HPSE2: variants seen among roughly 807,000 people sequenced by gnomAD.
HPSE2 encodes heparanase 2 (inactive), also known as inactive heparanase-2.
A neutral mutation model predicts 60.5 loss-of-function variants in HPSE2; 38 were observed. The observed-to-expected ratio is 0.63, with a 90% CI of 0.48 to 0.82. HPSE2 has a LOEUF of 0.82. Among genes scored for constraint, HPSE2 ranks in the 40% least tolerant of loss-of-function variants. The pLI is 0.00. For missense variants in HPSE2, 713 were observed against 740.4 expected (o/e 0.96, Z 0.43); for synonymous variants, 295 against 293.2 (o/e 1.01, Z -0.06).
At chr10:99,041,841 C>G (rs1957746647) in intron 3 of HPSE2, among the ~76,000 whole-genome samples, 1 of 152,114 alleles carries the variant, frequency 6.6e-6, no homozygotes, top group East Asian at 1.9e-4. Flanking sequence ...CCTCTATAGT[C>G]CCTGCTACCC....
chr10:99,236,665 T>C (rs1210106706), upstream of HPSE2, among the ~76,000 whole-genome samples: 1 of 152,122 alleles, frequency 6.6e-6, no homozygotes, highest in Non-Finnish European at 1.5e-5. Flanking sequence ...CATAGTGACC[T>C]GGTCAAGCAG....
chr10:98,645,606 C>T (rs1309347183), intron 6 of HPSE2, among the ~76,000 whole-genome samples: 1 of 152,174 alleles, frequency 6.6e-6, no homozygotes, highest in African/African-American at 2.4e-5. Context: ...AACTTAAACC[C>T]ACATTTATAT....
In HPSE2 at chr10:98,540,831, T is replaced by C. The variant is rs546910507; in HGVS notation, c.1321-50635A>G. Among the ~76,000 whole-genome samples, 16 of 152,272 alleles carry C rather than the reference T, an allele frequency of 1.1e-4. No individual in the cohort carries two copies. The South Asian group carries it at 3.3e-3, about 32-fold the overall frequency. On this transcript the variant is annotated intron_variant, in intron 9 of 11. Coordinates refer to ENST00000370552, the MANE Select transcript of HPSE2 (RefSeq NM_021828.5). The stretch of plus-strand genomic sequence containing the variant: ...AGTGCAGAGCCATTTCAAATGCATC[T>C]ACCATGATATAATTGGACTCTAGAT...
intron 1 of HPSE2, among the ~76,000 whole-genome samples, chr10:99,232,964 G>A (rs1478540070): frequency 6.6e-6 from 1 of 152,254 alleles, no homozygotes; most frequent in East Asian, 1.9e-4. Flanking sequence ...AGCCGGCATT[G>A]CCTCCGCAGC....
At chr10:99,095,150 C>T (rs1843675955) in intron 3 of HPSE2, among the ~76,000 whole-genome samples, 1 of 151,354 alleles carries the variant, frequency 6.6e-6, no homozygotes, top group African/African-American at 2.4e-5. Context: ...TACACCACTG[C>T]ACTTTAGGTG....
chr10:98,706,417 C>T (rs150205509), intron 5 of HPSE2, among the ~76,000 whole-genome samples: 10 of 152,218 alleles, frequency 6.6e-5, no homozygotes, highest in South Asian at 2.1e-4. Flanking sequence ...TATCAGAAGA[C>T]GACTGGCTCA....
chr10:98,652,943 C>A (rs1946957363), intron 6 of HPSE2, among the ~76,000 whole-genome samples: 4 of 152,118 alleles, frequency 2.6e-5, no homozygotes, highest in Admixed American at 2.6e-4. Flanking sequence ...CACTTAGCTT[C>A]TTTTGTCTTC....
intron 2 of HPSE2, among the ~76,000 whole-genome samples, chr10:99,156,736 G>T (rs1350831419): frequency 3.1e-5 from 4 of 130,784 alleles, no homozygotes; most frequent in African/African-American, 1.0e-4. Flanking sequence ...ACATAGTGTT[G>T]AAAGTTCTGG....
chr10:98,615,099 T>C, intron 8 of HPSE2, 81 bp from the exon 9 acceptor site: 1 of 934,882 alleles, frequency 1.1e-6, no homozygotes, highest in Non-Finnish European at 1.8e-6. Flanking sequence ...GGCTACTATA[T>C]ACACATATAC....
At chr10:98,883,684 G>A (rs1488770282) in intron 3 of HPSE2, among the ~76,000 whole-genome samples, 1 of 151,930 alleles carries the variant, frequency 6.6e-6, no homozygotes, top group Non-Finnish European at 1.5e-5. Flanking sequence ...TGTGCTTGTA[G>A]TGCCAGCTAG....
intron 3 of HPSE2, among the ~76,000 whole-genome samples, chr10:98,909,639 AAAAAAAAAAATG>A: frequency 6.6e-6 from 1 of 151,982 alleles, no homozygotes; most frequent in South Asian, 2.1e-4. Flanking sequence ...AAAATTTAAA[AAAAAAAAAAATG>A]AAAAAAAAAG....
chr10:99,256,248 T>C, the HPSE2 span, among the ~76,000 whole-genome samples: 3 of 148,834 alleles, frequency 2.0e-5, no homozygotes, highest in South Asian at 6.6e-4. Flanking sequence ...TAATGGGAGG[T>C]ATTTAGGTCA....
intron 2 of HPSE2, among the ~76,000 whole-genome samples, chr10:99,227,995 A>G (rs1277776650): frequency 1.3e-5 from 2 of 151,822 alleles, no homozygotes; most frequent in Non-Finnish European, 2.9e-5. Context: ...GTCTAAAGAA[A>G]GAAGAGATCA....
At chr10:98,901,285 A>T (rs950634624) in intron 3 of HPSE2, among the ~76,000 whole-genome samples, 2 of 152,162 alleles carry the variant, frequency 1.3e-5, no homozygotes, top group African/African-American at 4.8e-5. Flanking sequence ...TTTTGATGGC[A>T]GTTACATGGT....
At chr10:99,200,170 A>C (rs950136496) in intron 2 of HPSE2, among the ~76,000 whole-genome samples, 1 of 151,678 alleles carries the variant, frequency 6.6e-6, no homozygotes, top group Non-Finnish European at 1.5e-5. Context: ...AAAATGGTAA[A>C]TTTTATATTA....
intron 3 of HPSE2, among the ~76,000 whole-genome samples, chr10:98,893,574 A>G (rs1464122626): frequency 6.6e-6 from 1 of 152,194 alleles, no homozygotes; most frequent in Non-Finnish European, 1.5e-5. Flanking sequence ...CTAGATAGAT[A>G]GCAAATTAGA....
intron 3 of HPSE2, among the ~76,000 whole-genome samples, chr10:99,091,798 T>A (rs1380967241): frequency 6.6e-6 from 1 of 152,200 alleles, no homozygotes; most frequent in Non-Finnish European, 1.5e-5. Context: ...CGTATCATTT[T>A]TTCTCATCCT....
chr10:99,039,706 A>G lies in HPSE2; in HGVS notation c.610+104532T>C, dbSNP rs370899496. ...AGAAAGTCTTCAATAAGATCATCAT[A>G]TTGCAATGGATTATAGGTCCAAGCT... On this transcript the variant is annotated intron_variant, in intron 3 of 11. Transcript: ENST00000370552. 1.4e-4 allele frequency among the ~76,000 whole-genome samples: 21 copies of G among 152,188 alleles called. No individual in the cohort carries two copies. The East Asian group carries it at 4.1e-3, about 29-fold the overall frequency.
chr10:98,650,046 T>C (rs1946876141), intron 6 of HPSE2, among the ~76,000 whole-genome samples: 1 of 152,240 alleles, frequency 6.6e-6, no homozygotes. Flanking sequence ...CCTACATTTC[T>C]TTGCCCCTCT....
Sources: allele counts gnomAD v4.1 joint callset (sites outside exome capture counted in the v4.1 genomes callset), GRCh38; gene constraint gnomAD v4.1.1; transcripts MANE v1.5; gene names NCBI Gene and HGNC (gene_info 2026-07-23, HGNC 2026-07-21).